HDAC9: variants seen among roughly 807,000 people sequenced by gnomAD.
HDAC9 encodes the protein MEF-2 interacting transcription repressor (MITR) protein.
HDAC9 carries 41 observed loss-of-function variants against 139.4 expected under a neutral mutation model. The ratio of observed to expected loss-of-function variants is 0.29; its 90% CI spans 0.23 to 0.38. The LOEUF (loss-of-function observed/expected upper bound fraction) is 0.38, where lower values mean the gene tolerates loss of function less well. HDAC9 is among the 10% of genes least tolerant of loss of function. The probability of loss-of-function intolerance (pLI) is 1.00; values close to 1 mark genes in which losing one functional copy is unlikely to be tolerated. For missense variants in HDAC9, 1,147 were observed against 1,297.0 expected, an observed-to-expected ratio of 0.88 and a Z score of 1.78; for synonymous variants, 517 against 476.2, an observed-to-expected ratio of 1.09 and a Z score of -1.12.
At chr7:18,734,527 G>C (rs74405697) in intron 13 of HDAC9, among the ~76,000 whole-genome samples, 1,697 of 152,118 alleles carry the variant, frequency 0.011, 16 homozygotes, top group Non-Finnish European at 0.017. Context: ...GTGGTTTCCA[G>C]CTTCCAGCTT....
chr7:18,484,321 C>G (rs955582167), intron 1 of HDAC9, among the ~76,000 whole-genome samples: 1 of 149,530 alleles, frequency 6.7e-6, no homozygotes, highest in Non-Finnish European at 1.5e-5. Context: ...GGTGACAGAG[C>G]AAGATCCTAT....
intron 1 of HDAC9, among the ~76,000 whole-genome samples, chr7:18,107,928 A>C (rs1436456660): frequency 6.6e-6 from 1 of 152,104 alleles, no homozygotes; most frequent in Non-Finnish European, 1.5e-5. Flanking sequence ...TTTCGACCCT[A>C]TATGTCTTAT....
chr7:18,120,261 C>G (rs1410944159), intron 1 of HDAC9, among the ~76,000 whole-genome samples: 1 of 152,070 alleles, frequency 6.6e-6, no homozygotes, highest in Non-Finnish European at 1.5e-5. Context: ...GACAGCCCCC[C>G]ACAACAAAGA....
At chr7:18,412,072 C>T (rs943067241) in intron 1 of HDAC9, among the ~76,000 whole-genome samples, 1 of 151,928 alleles carries the variant, frequency 6.6e-6, no homozygotes, top group African/African-American at 2.4e-5. Context: ...AAATGATCCG[C>T]TTGCCTTAGC....
intron 2 of HDAC9, among the ~76,000 whole-genome samples, chr7:18,553,673 A>G (rs1414533473): frequency 6.6e-6 from 1 of 152,132 alleles, no homozygotes; most frequent in Non-Finnish European, 1.5e-5. Context: ...GTCTCTGGGA[A>G]TTTTCTCCCC....
chr7:18,112,450 G>A (rs1457560892), intron 1 of HDAC9, among the ~76,000 whole-genome samples: 2 of 152,176 alleles, frequency 1.3e-5, no homozygotes, highest in African/African-American at 4.8e-5. Context: ...CTTGTGAACT[G>A]TCATCCAATT....
At chr7:18,195,838 G>C (rs1479629219) in intron 2 of HDAC9, among the ~76,000 whole-genome samples, 1 of 151,992 alleles carries the variant, frequency 6.6e-6, no homozygotes, top group African/African-American at 2.4e-5. Context: ...TCATCATAAC[G>C]TGAACACATA....
At chr7:18,896,811 A>G (rs906285141) in intron 22 of HDAC9, among the ~76,000 whole-genome samples, 2 of 152,056 alleles carry the variant, frequency 1.3e-5, no homozygotes, top group African/African-American at 2.4e-5. Context: ...TAGCAAGAAC[A>G]TTGTCTCAGA....
rs1047687225 is a variant in HDAC9, at chr7:18,668,022, A to G, written c.1731+1546A>G. The G allele has an allele frequency of 5.1e-6, 5 of 978,096 alleles. No individual in the cohort carries two copies. In the Admixed American group the frequency reaches 3.1e-4, roughly 60 times the overall value. The allele number at this position is 978,096 out of a possible 1,614,324, so 60.6% of individuals were successfully genotyped here. On this transcript the variant is annotated intron_variant, in intron 12 of 25. Coordinates refer to ENST00000686413, the MANE Select transcript of HDAC9 (RefSeq NM_178425.4). ...TTCAAGGTGTAGTATCCTATTTCAA[A>G]GGAGATATAGCAGTTTTGCCAAATG...
At chr7:18,448,548 G>A (rs901529946) in intron 1 of HDAC9, among the ~76,000 whole-genome samples, 1 of 151,808 alleles carries the variant, frequency 6.6e-6, no homozygotes, top group Admixed American at 6.6e-5. Context: ...GGGAAGAGAG[G>A]GTAACGTAAC....
rs946110669 is a variant in HDAC9 at position 18,996,660 on chromosome 7, A to T, written c.*598A>T. ...TCCTAGTAAAAGTTCAAGATGGAGG[A>T]ACTAGCATGAGGCTTTTTTCAGTAT... On this transcript the variant is annotated 3_prime_UTR_variant, in exon 26 of 26. Coordinates refer to ENST00000686413, the MANE Select transcript of HDAC9 (RefSeq NM_178425.4). 14 of 152,232 alleles carry T rather than the reference A, an allele frequency of 9.2e-5. No individual in the cohort carries two copies. The highest frequency in any genetic ancestry group is 3.1e-4 in the African/African-American group (13 of 41,426). The allele number at this position is 152,232 out of a possible 1,614,324, so 9.4% of individuals were successfully genotyped here.
At chr7:18,173,583 G>C (rs1348525061) in intron 2 of HDAC9, among the ~76,000 whole-genome samples, 2 of 152,168 alleles carry the variant, frequency 1.3e-5, no homozygotes, top group African/African-American at 4.8e-5. Context: ...TTTTGCAGTG[G>C]CTGGTACCGG....
At chr7:18,256,245 C>G (rs757053441) in intron 2 of HDAC9, among the ~76,000 whole-genome samples, 13 of 151,952 alleles carry the variant, frequency 8.6e-5, no homozygotes, top group African/African-American at 3.1e-4. Flanking sequence ...ATTCTGACTA[C>G]GTGGAAAGTG....
intron 1 of HDAC9, among the ~76,000 whole-genome samples, chr7:18,313,089 T>G (rs1398070226): frequency 2.0e-5 from 3 of 152,160 alleles, no homozygotes; most frequent in African/African-American, 7.2e-5. Context: ...TTCAAGACAA[T>G]TCTGGGAACA....
intron 8 of HDAC9, among the ~76,000 whole-genome samples, chr7:18,635,568 G>C (rs113874116): frequency 0.015 from 2,241 of 152,182 alleles, 51 homozygotes; most frequent in African/African-American, 0.051. Context: ...TCTGAAAATA[G>C]CCACTCATGA....
rs377487140 is a variant in HDAC9 at position 18,996,082 on chromosome 7, A to G, written c.*20A>G. On this transcript the variant is annotated 3_prime_UTR_variant, in exon 26 of 26. Transcript: ENST00000686413. Reference sequence around the variant, plus strand: ...TTGTGAAGTGCCAAGTCCCCCTCTGATATTTCCTGTGTGTGACATCATTGT... The same window carrying G: ...TTGTGAAGTGCCAAGTCCCCCTCTGGTATTTCCTGTGTGTGACATCATTGT... 9 of 1,588,236 alleles carry G rather than the reference A, an allele frequency of 5.7e-6. No individual in the cohort carries two copies. Among genetic ancestry groups the G allele is most frequent in the African/African-American group, 2.7e-5 (2 of 74,398 alleles).
intron 2 of HDAC9, among the ~76,000 whole-genome samples, chr7:18,197,513 G>A (rs1044544846): frequency 6.6e-6 from 1 of 152,148 alleles, no homozygotes; most frequent in Non-Finnish European, 1.5e-5. Context: ...TTGCATCTTT[G>A]AATCATCTAC....
chr7:18,883,357 TATCTATGGGATGCA>T (rs2129258509), intron 22 of HDAC9, among the ~76,000 whole-genome samples: 1 of 152,278 alleles, frequency 6.6e-6, no homozygotes, highest in East Asian at 1.9e-4. Context: ...AAGTGGGATT[TATCTATGGGATGCA>T]AAGATGATTC....
chr7:18,515,992 T>C (rs1803061904), intron 2 of HDAC9, among the ~76,000 whole-genome samples: 1 of 152,254 alleles, frequency 6.6e-6, no homozygotes, highest in Non-Finnish European at 1.5e-5. Context: ...TTTTCATTCT[T>C]CATGATGCTT....
Sources: gnomAD v4.1 joint callset for allele counts (sites outside exome capture counted in the v4.1 genomes callset) on GRCh38, gnomAD v4.1.1 for gene constraint, MANE v1.5 for transcripts, NCBI Gene and HGNC (gene_info 2026-07-23, HGNC 2026-07-21) for gene names.